TUSC3: variants seen among roughly 807,000 people sequenced by gnomAD.
TUSC3 encodes tumor suppressor candidate 3.
Under a neutral mutation model 44.8 loss-of-function variants are expected in TUSC3, and 45 were observed. The ratio of observed to expected loss-of-function variants is 1.00; its 90% CI spans 0.79 to 1.29. The LOEUF is 1.29. TUSC3 is among the 50% of genes most tolerant of loss of function. TUSC3 has a pLI of 0.00. For synonymous variants in TUSC3, 212 were observed against 152.9 expected, an observed-to-expected ratio of 1.39 and a Z score of -2.85; for missense variants, 519 against 437.9, an observed-to-expected ratio of 1.19 and a Z score of -1.65.
intron 7 of TUSC3, chr8:15,733,461 G>C: frequency 2.7e-6 from 1 of 369,182 alleles, no homozygotes; most frequent in South Asian, 2.1e-5. Flanking sequence ...CCGAGCTGAA[G>C]GATGAAAAGC....
At chr8:15,586,256 A>G (rs1489708566) in intron 1 of TUSC3, among the ~76,000 whole-genome samples, 1 of 152,204 alleles carries the variant, frequency 6.6e-6, no homozygotes, top group Admixed American at 6.5e-5. Context: ...ATTCAAGGTG[A>G]AAACAAACAG....
intron 1 of TUSC3, among the ~76,000 whole-genome samples, chr8:15,594,833 A>C (rs185040898): frequency 1.3e-5 from 2 of 152,272 alleles, no homozygotes; most frequent in Admixed American, 1.3e-4. Context: ...CATGACTTAC[A>C]GGCAGGCAGC....
intron 1 of TUSC3, among the ~76,000 whole-genome samples, chr8:15,593,027 T>G (rs1803917972): frequency 6.6e-6 from 1 of 152,194 alleles, no homozygotes; most frequent in Admixed American, 6.5e-5. Context: ...ATTTTTGGAT[T>G]CATTAGCCTA....
the TUSC3 span, among the ~76,000 whole-genome samples, chr8:15,785,194 T>A: frequency 6.6e-6 from 1 of 152,120 alleles, no homozygotes; most frequent in South Asian, 2.1e-4. Context: ...ATGTAACCAG[T>A]ACGACCCGTA....
intron 3 of TUSC3, among the ~76,000 whole-genome samples, chr8:15,655,774 T>C (rs1481592095): frequency 6.6e-6 from 1 of 152,332 alleles, no homozygotes; most frequent in Non-Finnish European, 1.5e-5. Flanking sequence ...GCTCTATTCC[T>C]GATGGATAAA....
At chr8:15,499,559 G>C (rs918200013) in intron 2 of TUSC3, among the ~76,000 whole-genome samples, 1 of 152,162 alleles carries the variant, frequency 6.6e-6, no homozygotes, top group Non-Finnish European at 1.5e-5. Context: ...TTTTGTGTCT[G>C]CATTCTGTCA....
chr8:15,622,021 C>G (rs921703405), intron 1 of TUSC3, among the ~76,000 whole-genome samples: 1 of 152,122 alleles, frequency 6.6e-6, no homozygotes, highest in African/African-American at 2.4e-5. Flanking sequence ...CTTCTCTCTT[C>G]TTGATGTATA....
intron 1 of TUSC3, among the ~76,000 whole-genome samples, chr8:15,592,469 CT>C (rs1299884200): frequency 6.6e-6 from 1 of 152,080 alleles, no homozygotes; most frequent in Non-Finnish European, 1.5e-5. Context: ...TAGTGCCCTC[CT>C]TGTGGTAATA....
the TUSC3 span, chr8:15,806,387 C>T: frequency 2.7e-6 from 2 of 738,742 alleles, no homozygotes; most frequent in African/African-American, 1.7e-5. Flanking sequence ...CTGCCTCCTT[C>T]TTCGCTGCTT....
intron 1 of TUSC3, among the ~76,000 whole-genome samples, chr8:15,619,746 G>A (rs1480677649): frequency 1.3e-5 from 2 of 152,136 alleles, no homozygotes; most frequent in African/African-American, 4.8e-5. Context: ...TCCTGACCTT[G>A]TGAGCTGCCT....
intron 1 of TUSC3, among the ~76,000 whole-genome samples, chr8:15,587,986 A>G (rs1234120152): frequency 6.6e-6 from 1 of 152,134 alleles, no homozygotes; most frequent in African/African-American, 2.4e-5. Flanking sequence ...TTAGATTGGT[A>G]TCTTGGCAAT....
At chr8:15,777,082 C>T in the TUSC3 span, among the ~76,000 whole-genome samples, 2 of 152,226 alleles carry the variant, frequency 1.3e-5, no homozygotes, top group South Asian at 4.1e-4. Context: ...TCTTTTCCAG[C>T]TAGAATCTTC....
chr8:15,786,184 C>T, the TUSC3 span, among the ~76,000 whole-genome samples: 2 of 152,180 alleles, frequency 1.3e-5, no homozygotes, highest in African/African-American at 2.4e-5. Flanking sequence ...GTTTCTCACA[C>T]CTCTAAAGAG....
the TUSC3 span, among the ~76,000 whole-genome samples, chr8:15,822,750 G>A: frequency 6.6e-6 from 1 of 152,096 alleles, no homozygotes; most frequent in East Asian, 1.9e-4. Flanking sequence ...AGACTTTCAA[G>A]GAGGAAGGAT....
At chr8:15,745,139 T>A (rs992601882) in intron 8 of TUSC3, among the ~76,000 whole-genome samples, 1 of 152,154 alleles carries the variant, frequency 6.6e-6, no homozygotes, top group African/African-American at 2.4e-5. Flanking sequence ...TTTGGCTGCA[T>A]AGTATTCCAT....
At chr8:15,640,335 G>T (rs990753367) in intron 2 of TUSC3, among the ~76,000 whole-genome samples, 1 of 152,154 alleles carries the variant, frequency 6.6e-6, no homozygotes, top group Non-Finnish European at 1.5e-5. Context: ...AGACTGCACC[G>T]TGTGCCTTTT....
chr8:15,604,114 C>G (rs573794517), intron 1 of TUSC3, among the ~76,000 whole-genome samples: 1 of 151,484 alleles, frequency 6.6e-6, no homozygotes, highest in African/African-American at 2.4e-5. Flanking sequence ...GTTTCTAAAA[C>G]AAAAGTTTGA....
chr8:15,615,482 G>A (rs1176363398), intron 1 of TUSC3, among the ~76,000 whole-genome samples: 1 of 152,182 alleles, frequency 6.6e-6, no homozygotes, highest in Non-Finnish European at 1.5e-5. Context: ...GTAGGCAGGA[G>A]GGGAGGATAG....
intron 6 of TUSC3, among the ~76,000 whole-genome samples, chr8:15,721,859 A>T (rs1810316351): frequency 6.6e-6 from 1 of 152,036 alleles, no homozygotes; most frequent in South Asian, 2.1e-4. Context: ...TTTGGAAAAT[A>T]TAGTAGAATG....
Sources: gnomAD v4.1 joint callset for allele counts (sites outside exome capture counted in the v4.1 genomes callset) on GRCh38, gnomAD v4.1.1 for gene constraint, MANE v1.5 for transcripts, NCBI Gene and HGNC (gene_info 2026-07-23, HGNC 2026-07-21) for gene names.